KIRREL3: variants seen among roughly 807,000 people sequenced by gnomAD.
KIRREL3 encodes kirre like nephrin family adhesion molecule 3, also known as kin of IRRE-like protein 3.
Under a neutral mutation model 89.7 loss-of-function variants are expected in KIRREL3, and 36 were observed. The ratio of observed to expected loss-of-function variants is 0.40; its 90% CI spans 0.31 to 0.53. The LOEUF (loss-of-function observed/expected upper bound fraction) is 0.53, where lower values mean the gene tolerates loss of function less well. KIRREL3 is among the 20% of genes least tolerant of loss of function. The probability of loss-of-function intolerance (pLI) is 0.49; values close to 1 mark genes in which losing one functional copy is unlikely to be tolerated. For synonymous variants in KIRREL3, 445 were observed against 441.4 expected (o/e 1.01, Z -0.10); for missense variants, 864 against 1,056.6 (o/e 0.82, Z 2.53).
In KIRREL3 at chr11:126,729,210, A is replaced by G. The variant is rs1948512863; in HGVS notation, c.56-166298T>C. Among the ~76,000 whole-genome samples, 1 of 152,208 alleles carries G rather than the reference A, an allele frequency of 6.6e-6. No individual in the cohort carries two copies. The highest frequency in any genetic ancestry group is 2.4e-5 in the African/African-American group (1 of 41,454). On this transcript the variant is annotated intron_variant, in intron 1 of 16. Transcript: ENST00000525144. This position sits in a 1 kb window ranked among gnomAD's most constrained non-coding sequence, Gnocchi z 4.5. Reference sequence around the variant, plus strand: ...TGAGTCTAAGAGGTCATGAAGAAGGACAGACCCAGTAGACTGTGGCTCAGC... The same window carrying G: ...TGAGTCTAAGAGGTCATGAAGAAGGGCAGACCCAGTAGACTGTGGCTCAGC...
At position 126,476,835 on chromosome 11, in the gene KIRREL3, A is replaced by C. The variant is rs1345333392; in HGVS notation, c.434-3369T>G. Among the ~76,000 whole-genome samples, 1 of 152,214 alleles carries C rather than the reference A, an allele frequency of 6.6e-6. No individual in the cohort carries two copies. The highest frequency in any genetic ancestry group is 1.5e-5 in the Non-Finnish European group (1 of 68,038). ...GGCAGTGGCGAGGGGAGGAAGTTTC[A>C]GAGTGGTCCCCGCTTGGAGATGTAT... On this transcript the variant is annotated intron_variant, in intron 4 of 16. Transcript: ENST00000525144. This position sits in a 1 kb window ranked among gnomAD's most constrained non-coding sequence, Gnocchi z 6.4.
Position 126,876,513 on chromosome 11 carries a change from C to A in KIRREL3, c.55+123942G>T, listed in dbSNP as rs2134691070. On this transcript the variant is annotated intron_variant, in intron 1 of 16. Coordinates refer to ENST00000525144, the MANE Select transcript of KIRREL3 (RefSeq NM_032531.4). This position sits in a 1 kb window ranked among gnomAD's most constrained non-coding sequence, Gnocchi z 4.1. ...CTGATACACCTATCCTAGTGCTTGG[C>A]TTACAGTACATACTCATAAATATGC... 6.6e-6 allele frequency among the ~76,000 whole-genome samples: 1 copy of A among 151,018 alleles called. No individual in the cohort carries two copies. The highest frequency in any genetic ancestry group is 1.5e-5 in the Non-Finnish European group (1 of 67,892).
At chr11:126,717,581 C>T (rs1409180196) in intron 1 of KIRREL3, among the ~76,000 whole-genome samples, 4 of 152,216 alleles carry the variant, frequency 2.6e-5, no homozygotes, top group African/African-American at 4.8e-5. Flanking sequence ...CCTTGTCCTC[C>T]ATCCTCACTC....
intron 1 of KIRREL3, among the ~76,000 whole-genome samples, chr11:126,998,191 C>A (rs1390424789): frequency 6.6e-6 from 1 of 152,180 alleles, no homozygotes; most frequent in African/African-American, 2.4e-5. Context: ...CAAATAGAAT[C>A]CTCTGGGGAA....
rs1213502963 is a variant in KIRREL3, at chr11:126,983,467, G to T, written c.55+16988C>A. ...GATTTTGCAGATGTAATTAAGTTAA[G>T]GTCTTGAGAGAGAGAGATTTTCCTA... On this transcript the variant is annotated intron_variant, in intron 1 of 16. Coordinates refer to ENST00000525144, the MANE Select transcript of KIRREL3 (RefSeq NM_032531.4). The surrounding 1 kb of genome is among the most constrained non-coding windows in gnomAD (Gnocchi z 4.9). 6.6e-6 allele frequency among the ~76,000 whole-genome samples: 1 copy of T among 152,190 alleles called. No individual in the cohort carries two copies.
rs1216502075 is a variant in KIRREL3, at chr11:126,697,662, G to A, written c.56-134750C>T. 6.6e-6 allele frequency among the ~76,000 whole-genome samples: 1 copy of A among 152,198 alleles called. No individual in the cohort carries two copies. Among genetic ancestry groups the A allele is most frequent in the African/African-American group, 2.4e-5 (1 of 41,452 alleles). On this transcript the variant is annotated intron_variant, in intron 1 of 16. Transcript: ENST00000525144. This position sits in a 1 kb window ranked among gnomAD's most constrained non-coding sequence, Gnocchi z 4.2. ...AATAACCTGAACTCATGTAAAAGTG[G>A]CTCTTTCCTCCCAGTCCAAACCACA... is the stretch of plus-strand genomic sequence containing the variant.
chr11:126,564,149 G>C lies in KIRREL3; in HGVS notation c.56-1237C>G, dbSNP rs1381738358. Among the ~76,000 whole-genome samples, 1 of 152,216 alleles carries C rather than the reference G, an allele frequency of 6.6e-6. No homozygotes were observed. Among genetic ancestry groups the C allele is most frequent in the Non-Finnish European group, 1.5e-5 (1 of 68,048 alleles). ...CCCTGCTCCTTCCTTTGATTTCTCA[G>C]AGAAAGAGGGTCCCAATGAGTGATG... On this transcript the variant is annotated intron_variant, in intron 1 of 16. Coordinates refer to ENST00000525144, the MANE Select transcript of KIRREL3 (RefSeq NM_032531.4). This position sits in a 1 kb window ranked among gnomAD's most constrained non-coding sequence, Gnocchi z 7.4.
chr11:126,959,666 T>G (rs568361501), intron 1 of KIRREL3, among the ~76,000 whole-genome samples: 1 of 152,168 alleles, frequency 6.6e-6, no homozygotes, highest in Non-Finnish European at 1.5e-5. Flanking sequence ...TTCTCCCGAA[T>G]CAGCCTGTCC....
At chr11:126,493,304 G>A (rs1019107820) in intron 4 of KIRREL3, among the ~76,000 whole-genome samples, 1 of 152,110 alleles carries the variant, frequency 6.6e-6, no homozygotes, top group Non-Finnish European at 1.5e-5. Context: ...GGTGGATCAC[G>A]AGGCCAGGAG....
rs1326842361 is a variant in KIRREL3, at chr11:126,990,654, C to A, written c.55+9801G>T. Among the ~76,000 whole-genome samples the A allele has an allele frequency of 6.6e-6, 1 of 152,222 alleles. No individual in the cohort carries two copies. The highest frequency in any genetic ancestry group is 1.5e-5 in the Non-Finnish European group (1 of 68,046). ...GCTTCAGAAGAACAGCTCCTCTCTG[C>A]CTCCGCAGTTGCCCCTCACTCAGGT... On this transcript the variant is annotated intron_variant, in intron 1 of 16. Transcript: ENST00000525144. This position sits in a 1 kb window ranked among gnomAD's most constrained non-coding sequence, Gnocchi z 6.3.
rs142760276 is a variant in KIRREL3 at position 126,602,208 on chromosome 11, G to A, written c.56-39296C>T. Among the ~76,000 whole-genome samples, 276 of 152,308 alleles carry A rather than the reference G, an allele frequency of 1.8e-3. 1 individual carries two copies. Among genetic ancestry groups the A allele is most frequent in the African/African-American group, 6.4e-3 (266 of 41,572 alleles). On this transcript the variant is annotated intron_variant, in intron 1 of 16. Transcript: ENST00000525144. ...CCTACTCTGGCTGCTCTGAAGAAGGGAGCTCATTGTGTGCTCACTGTCAGA... is the reference window on the plus strand; with the variant it reads ...CCTACTCTGGCTGCTCTGAAGAAGGAAGCTCATTGTGTGCTCACTGTCAGA...
chr11:126,446,903 AAG>A lies in KIRREL3; in HGVS notation c.998-19_998-18del. ...GGGGCCCAACTGCGATGTGAGGAAG[AAG>A]AAGACAGGTTCAGGTGGGTGGGGAG... On this transcript the variant is annotated intron_variant, in intron 8 of 16. Transcript: ENST00000525144. 6.2e-7 allele frequency: 1 copy of A among 1,603,290 alleles called. No homozygotes were observed. Among genetic ancestry groups the A allele is most frequent in the Admixed American group, 1.7e-5 (1 of 58,506 alleles).
intron 11 of KIRREL3, 139 bp from the exon 12 acceptor site, chr11:126,437,148 G>A: frequency 1.4e-6 from 1 of 736,910 alleles, no homozygotes; most frequent in Non-Finnish European, 2.1e-6. Flanking sequence ...GGGTATGTAT[G>A]CAGGCACACA....
chr11:126,923,097 T>TCC (rs1444463544), intron 1 of KIRREL3, among the ~76,000 whole-genome samples: 3 of 109,722 alleles, frequency 2.7e-5, no homozygotes, highest in Admixed American at 1.8e-4. Context: ...CTTCTTCTTC[T>TCC]TCTTCTCCTT....
At chr11:126,774,312 TC>T (rs879868611) in intron 1 of KIRREL3, among the ~76,000 whole-genome samples, 1 of 151,924 alleles carries the variant, frequency 6.6e-6, no homozygotes, top group Non-Finnish European at 1.5e-5. Context: ...GGGAAAGAAC[TC>T]CGAGTCCACT....
chr11:126,498,171 G>A lies in KIRREL3; in HGVS notation c.433+23144C>T, dbSNP rs138538879. 7.0e-3 allele frequency among the ~76,000 whole-genome samples: 1,068 copies of A among 152,340 alleles called. 10 individuals carry two copies. Among genetic ancestry groups the A allele is most frequent in the Middle Eastern group, 0.024 (7 of 294 alleles). On this transcript the variant is annotated intron_variant, in intron 4 of 16. Coordinates refer to ENST00000525144, the MANE Select transcript of KIRREL3 (RefSeq NM_032531.4). This position sits in a 1 kb window ranked among gnomAD's most constrained non-coding sequence, Gnocchi z 4.3. ...GATTGAGTGAAAGGGGGCAGAGTTG[G>A]GGTGGCCATCAAACCCCTAAAACCC...
intron 1 of KIRREL3, among the ~76,000 whole-genome samples, chr11:126,866,558 C>G (rs1182923143): frequency 2.7e-5 from 4 of 150,078 alleles, no homozygotes; most frequent in African/African-American, 9.8e-5. Context: ...CTGGCCTGTG[C>G]CCACGGGCCT....
intron 1 of KIRREL3, among the ~76,000 whole-genome samples, chr11:126,822,583 C>T (rs1943264153): frequency 6.6e-6 from 1 of 152,140 alleles, no homozygotes; most frequent in Non-Finnish European, 1.5e-5. Flanking sequence ...AACAAACTAC[C>T]CCAAAACTTA....
Position 126,443,188 on chromosome 11 carries a change from G to A in KIRREL3, c.1252+1791C>T, listed in dbSNP as rs1478366907. The stretch of plus-strand genomic sequence containing the variant: ...ATGCTCCAGGCTTGGGGGCCCTGGA[G>A]TGCATGAGTGAGTGTGAGGGTCCCG... On this transcript the variant is annotated intron_variant, in intron 10 of 16. Transcript: ENST00000525144. The surrounding 1 kb of genome is among the most constrained non-coding windows in gnomAD (Gnocchi z 7.3). Among the ~76,000 whole-genome samples, 1 of 152,224 alleles carries A rather than the reference G, an allele frequency of 6.6e-6. No individual in the cohort carries two copies. The highest frequency in any genetic ancestry group is 1.5e-5 in the Non-Finnish European group (1 of 68,052).
Sources: allele counts gnomAD v4.1 joint callset (sites outside exome capture counted in the v4.1 genomes callset), GRCh38; gene constraint gnomAD v4.1.1; non-coding constraint Gnocchi (gnomAD v3.1); transcripts MANE v1.5; gene names NCBI Gene and HGNC (gene_info 2026-07-23, HGNC 2026-07-21).